TBC1D5: variants seen among roughly 807,000 people sequenced by gnomAD.
TBC1D5 encodes the protein TBC1 domain family, member 5.
TBC1D5 carries 75 observed loss-of-function variants against 100.3 expected under a neutral mutation model. The ratio of observed to expected loss-of-function variants is 0.75; its 90% CI spans 0.62 to 0.91. The LOEUF (loss-of-function observed/expected upper bound fraction) is 0.91. Among genes scored for constraint, TBC1D5 ranks in the 40% least tolerant of loss-of-function variants. The pLI is 0.00. For missense variants in TBC1D5, 910 were observed against 942.4 expected (o/e 0.97, Z 0.45); for synonymous variants, 323 against 325.6 (o/e 0.99, Z 0.09).
chr3:17,616,990 T>C (rs1245208030), intron 2 of TBC1D5, among the ~76,000 whole-genome samples: 4 of 152,220 alleles, frequency 2.6e-5, no homozygotes, highest in Non-Finnish European at 5.9e-5. Context: ...GCATTGATGG[T>C]TTTTACAATT....
At chr3:17,326,512 G>T (rs537727700) in intron 13 of TBC1D5, among the ~76,000 whole-genome samples, 10 of 152,098 alleles carry the variant, frequency 6.6e-5, no homozygotes, top group Non-Finnish European at 1.5e-4. Context: ...TCACTCTGTT[G>T]CCCAGGCTGG....
chr3:17,241,357 G>A (rs1268223231), intron 16 of TBC1D5, among the ~76,000 whole-genome samples: 1 of 152,154 alleles, frequency 6.6e-6, no homozygotes, highest in Non-Finnish European at 1.5e-5. Context: ...ATGGACAGCA[G>A]GGATTAGACT....
At chr3:17,345,616 C>A (rs1423623984) in intron 13 of TBC1D5, among the ~76,000 whole-genome samples, 3 of 151,782 alleles carry the variant, frequency 2.0e-5, no homozygotes, top group East Asian at 3.9e-4. Flanking sequence ...AAGACACATG[C>A]ACACGTATGT....
At chr3:17,252,418 A>C (rs1271896653) in intron 16 of TBC1D5, among the ~76,000 whole-genome samples, 1 of 152,164 alleles carries the variant, frequency 6.6e-6, no homozygotes, top group African/African-American at 2.4e-5. Context: ...ATTGATGATG[A>C]AAGATTCCAG....
chr3:17,473,826 C>T (rs1296642879), intron 3 of TBC1D5, among the ~76,000 whole-genome samples: 1 of 151,456 alleles, frequency 6.6e-6, no homozygotes, highest in Non-Finnish European at 1.5e-5. Context: ...TGAATTTCTA[C>T]TTATAATTAC....
chr3:17,203,952 C>A (rs749323493), intron 18 of TBC1D5, among the ~76,000 whole-genome samples: 3 of 152,184 alleles, frequency 2.0e-5, no homozygotes, highest in Non-Finnish European at 2.9e-5. Flanking sequence ...AAAGGGAGTT[C>A]CTTAGCCCTA....
intron 1 of TBC1D5, among the ~76,000 whole-genome samples, chr3:17,643,089 T>C (rs1455699779): frequency 6.6e-6 from 1 of 152,092 alleles, no homozygotes; most frequent in Non-Finnish European, 1.5e-5. Flanking sequence ...CCACATTACC[T>C]TTAGTTGTCA....
In TBC1D5 at chr3:17,258,400, A is replaced by G. The variant is rs547478653; in HGVS notation, c.1331+106T>C. 19 of 1,053,110 alleles carry G rather than the reference A, an allele frequency of 1.8e-5. No individual in the cohort carries two copies. The East Asian group carries it at 2.6e-4, about 15-fold the overall frequency. 65.2% of individuals were successfully genotyped at this position (1,053,110 alleles called of 1,614,324 possible). On this transcript the variant is annotated intron_variant, in intron 16 of 21. Transcript: ENST00000253692. ...TATTTAACAAAGATTCCTTATGTAC[A>G]TATGCTAAAATCTGGAAAATTGTTT...
At chr3:17,553,833 T>G (rs914049273) in intron 2 of TBC1D5, among the ~76,000 whole-genome samples, 2 of 152,190 alleles carry the variant, frequency 1.3e-5, no homozygotes, top group African/African-American at 4.8e-5. Flanking sequence ...ATAAGAGACT[T>G]AGGACCTATA....
intron 5 of TBC1D5, 57 bp downstream of exon 5, chr3:17,406,361 C>T (rs1412197264): frequency 2.8e-6 from 4 of 1,453,824 alleles, no homozygotes; most frequent in South Asian, 1.3e-5. Context: ...TCCAGGGCAT[C>T]AGGTAATGTG....
At chr3:17,379,653 C>T (rs997772635) in intron 9 of TBC1D5, among the ~76,000 whole-genome samples, 27 of 151,938 alleles carry the variant, frequency 1.8e-4, no homozygotes, top group African/African-American at 6.0e-4. Flanking sequence ...TCATTATGTG[C>T]AGGAGATATA....
At chr3:17,706,163 A>T (rs1207610828) in intron 1 of TBC1D5, 1 of 1,577,158 alleles carries the variant, frequency 6.3e-7, no homozygotes, top group Non-Finnish European at 8.6e-7. Flanking sequence ...TGGGGGAGAC[A>T]TCGGCAGGCA....
chr3:17,477,591 AAGT>A (rs1478770197), intron 3 of TBC1D5, among the ~76,000 whole-genome samples: 1 of 152,030 alleles, frequency 6.6e-6, no homozygotes, highest in Non-Finnish European at 1.5e-5. Context: ...ACAACTGTAT[AAGT>A]CATTGTATGT....
chr3:17,612,867 G>A (rs1451402980), intron 2 of TBC1D5, among the ~76,000 whole-genome samples: 3 of 149,290 alleles, frequency 2.0e-5, no homozygotes, highest in Non-Finnish European at 4.4e-5. Flanking sequence ...GAATACATAA[G>A]GGATGAGAAA....
chr3:17,187,407 A>G (rs2069271018), intron 18 of TBC1D5, among the ~76,000 whole-genome samples: 1 of 152,236 alleles, frequency 6.6e-6, no homozygotes, highest in African/African-American at 2.4e-5. Context: ...AGAGAAAAAG[A>G]GGGCACATGA....
chr3:17,698,003 A>G (rs990826704), intron 1 of TBC1D5, among the ~76,000 whole-genome samples: 4 of 151,968 alleles, frequency 2.6e-5, no homozygotes, highest in Non-Finnish European at 5.9e-5. Flanking sequence ...ATCCCCATCA[A>G]GCTACCAATG....
At chr3:17,162,821 C>CT (rs1437795879) in intron 21 of TBC1D5, among the ~76,000 whole-genome samples, 1 of 152,146 alleles carries the variant, frequency 6.6e-6, no homozygotes, top group Non-Finnish European at 1.5e-5. Context: ...TTGAAAGCTG[C>CT]TGGGGAATCA....
intron 4 of TBC1D5, among the ~76,000 whole-genome samples, chr3:17,424,203 T>C (rs1459676095): frequency 1.3e-5 from 2 of 152,210 alleles, no homozygotes; most frequent in East Asian, 1.9e-4. Context: ...GTCACTGTTA[T>C]ACCATCTAGT....
intron 1 of TBC1D5, among the ~76,000 whole-genome samples, chr3:17,692,409 T>C (rs963572736): frequency 2.0e-5 from 3 of 152,240 alleles, no homozygotes; most frequent in African/African-American, 7.2e-5. Context: ...TTTAATTCAG[T>C]GTAAAAGTGC....
Sources: allele counts gnomAD v4.1 joint callset (sites outside exome capture counted in the v4.1 genomes callset), GRCh38; gene constraint gnomAD v4.1.1; transcripts MANE v1.5; gene names NCBI Gene and HGNC (gene_info 2026-07-23, HGNC 2026-07-21).